Variants in INPP5D observed in about 807,000 individuals in gnomAD.
The protein encoded by INPP5D is inositol polyphosphate-5-phosphatase D, also known as phosphatidylinositol 3,4,5-trisphosphate 5-phosphatase 1.
Under a neutral mutation model 122.9 loss-of-function variants are expected in INPP5D, and 33 were observed. That is an observed-to-expected ratio of 0.27 (90% CI 0.20 to 0.36). INPP5D has a LOEUF of 0.36. INPP5D is among the 10% of genes least tolerant of loss of function. The pLI is 1.00. For synonymous variants in INPP5D, 584 were observed against 576.2 expected, an observed-to-expected ratio of 1.01 and a Z score of -0.19; for missense variants, 1,053 against 1,412.7, an observed-to-expected ratio of 0.75 and a Z score of 4.08.
intron 2 of INPP5D, among the ~76,000 whole-genome samples, chr2:233,085,261 C>A (rs1268630450): frequency 6.6e-6 from 1 of 152,018 alleles, no homozygotes. Flanking sequence ...TGGTGCATGC[C>A]CGTAGTCACA....
rs1358233948 is a variant in INPP5D at position 233,177,864 on chromosome 2, C to T, written c.2071+518C>T. On this transcript the variant is annotated intron_variant, in intron 18 of 26. Coordinates refer to ENST00000445964, the MANE Select transcript of INPP5D (RefSeq NM_001017915.3). The surrounding 1 kb of genome is among the most constrained non-coding windows in gnomAD (Gnocchi z 4.2). ...TGCTGAGATTACAGGCATGAGCCAC[C>T]GCGGCCGACCCGGAGCACTTTTTTA... Among the ~76,000 whole-genome samples the T allele has an allele frequency of 1.3e-5, 2 of 152,294 alleles. No homozygotes were observed. Among genetic ancestry groups the T allele is most frequent in the East Asian group, 1.9e-4 (1 of 5,182 alleles).
intron 1 of INPP5D, among the ~76,000 whole-genome samples, chr2:233,064,698 CAG>C (rs1048376930): frequency 6.6e-6 from 1 of 152,142 alleles, no homozygotes; most frequent in African/African-American, 2.4e-5. Flanking sequence ...AAGCGAGAAA[CAG>C]AGACCATAAG....
chr2:233,110,567 T>C (rs551819301), intron 2 of INPP5D, among the ~76,000 whole-genome samples: 31 of 152,284 alleles, frequency 2.0e-4, no homozygotes, highest in African/African-American at 7.5e-4. Flanking sequence ...CTCGTACCAA[T>C]TACATGAGCT....
chr2:233,130,459 G>A (rs776926394), intron 4 of INPP5D, 49 bp from the exon 5 acceptor site: 4 of 1,595,548 alleles, frequency 2.5e-6, no homozygotes, highest in South Asian at 1.1e-5. Context: ...GGTGATGGTG[G>A]CTAAAAGAAA....
rs1212879898 is a variant in INPP5D, at chr2:233,146,571, G to C, written c.906+133G>C. 6.0e-6 allele frequency: 4 copies of C among 669,642 alleles called. No homozygotes were observed. The East Asian group carries it at 8.2e-5, about 14-fold the overall frequency. The allele number at this position is 669,642 out of a possible 1,614,324, so 41.5% of individuals were successfully genotyped here. A position where few individuals can be genotyped will look rare whatever the true frequency, so the allele number is the denominator to read the frequency against. ...GCAGGGAGCGCATTAGCCAAGAATG[G>C]CAGTCAGTTGACCTTTGTCGCTGTG... is the stretch of plus-strand genomic sequence containing the variant. On this transcript the variant is annotated intron_variant, in intron 8 of 26. Transcript: ENST00000445964.
intron 1 of INPP5D, among the ~76,000 whole-genome samples, chr2:233,062,396 C>G (rs1410356369): frequency 6.6e-6 from 1 of 152,212 alleles, no homozygotes; most frequent in African/African-American, 2.4e-5. Flanking sequence ...TGGAGAAGCT[C>G]TGGTGCAACA....
At chr2:233,187,628 C>T (rs183245180) in intron 21 of INPP5D, among the ~76,000 whole-genome samples, 1 of 152,306 alleles carries the variant, frequency 6.6e-6, no homozygotes, top group African/African-American at 2.4e-5. Context: ...TCCAGATTCC[C>T]CCAGCTGCGG....
intron 2 of INPP5D, among the ~76,000 whole-genome samples, chr2:233,111,651 C>A (rs1692633349): frequency 6.6e-6 from 1 of 152,256 alleles, no homozygotes; most frequent in African/African-American, 2.4e-5. Flanking sequence ...GTGCACCCAT[C>A]TCAGGGGGTA....
intron 9 of INPP5D, among the ~76,000 whole-genome samples, chr2:233,157,099 C>T (rs1694074862): frequency 6.6e-6 from 1 of 152,158 alleles, no homozygotes; most frequent in Non-Finnish European, 1.5e-5. Flanking sequence ...GTGTGAGGGT[C>T]GAATTCTCAG....
chr2:233,080,343 T>C (rs1259661268), intron 2 of INPP5D, among the ~76,000 whole-genome samples: 1 of 152,122 alleles, frequency 6.6e-6, no homozygotes, highest in Admixed American at 6.5e-5. Flanking sequence ...ACTGAGTGTG[T>C]GGAAGCCAGG....
At chr2:233,144,629 GTTATGATCA>G (rs1693707971) in intron 6 of INPP5D, among the ~76,000 whole-genome samples, 1 of 113,292 alleles carries the variant, frequency 8.8e-6, no homozygotes, top group African/African-American at 2.9e-5. Flanking sequence ...GGTGGAGGTG[GTTATGATCA>G]TGGTGGGAGT....
intron 13 of INPP5D, among the ~76,000 whole-genome samples, chr2:233,167,808 C>A (rs766678918): frequency 5.3e-5 from 8 of 152,024 alleles, no homozygotes; most frequent in Non-Finnish European, 1.2e-4. Flanking sequence ...AGTTTGAGAC[C>A]AACCTGGGCA....
intron 17 of INPP5D, among the ~76,000 whole-genome samples, chr2:233,172,892 G>T (rs1181825178): frequency 6.6e-6 from 1 of 152,172 alleles, no homozygotes; most frequent in Non-Finnish European, 1.5e-5. Flanking sequence ...CATTAAAAAG[G>T]TACAGTAAAA....
At chr2:233,110,719 C>T (rs577079600) in intron 2 of INPP5D, among the ~76,000 whole-genome samples, 4 of 152,180 alleles carry the variant, frequency 2.6e-5, no homozygotes, top group South Asian at 4.2e-4. Context: ...GTCAGGAGTT[C>T]GAGACCAGCC....
chr2:233,093,883 C>A (rs1201985989), intron 2 of INPP5D, among the ~76,000 whole-genome samples: 1 of 152,138 alleles, frequency 6.6e-6, no homozygotes, highest in African/African-American at 2.4e-5. Context: ...TCAGGCCACA[C>A]TCCCTTGGCA....
In INPP5D at chr2:233,184,399, C is replaced by T. The variant is rs775353045; in HGVS notation, c.2162-9C>T. ...TGTGGAACTGAATCCGTGTTCTCCC[C>T]TGTTCCAGGTCCCGGGACTGTTGAC... On this transcript the variant is annotated splice_polypyrimidine_tract_variant and intron_variant, in intron 19 of 26. Coordinates refer to ENST00000445964, the MANE Select transcript of INPP5D (RefSeq NM_001017915.3). 6.2e-7 allele frequency: 1 copy of T among 1,613,784 alleles called. No individual in the cohort carries two copies. Among genetic ancestry groups the T allele is most frequent in the South Asian group, 1.1e-5 (1 of 91,046 alleles).
At chr2:233,172,649 T>C (rs1044205036) in intron 17 of INPP5D, among the ~76,000 whole-genome samples, 6 of 152,016 alleles carry the variant, frequency 3.9e-5, no homozygotes, top group South Asian at 2.1e-4. Context: ...CCAGAGAAAA[T>C]ACCCAGAAGG....
chr2:233,074,386 C>T (rs905912387), intron 1 of INPP5D, among the ~76,000 whole-genome samples: 10 of 152,174 alleles, frequency 6.6e-5, no homozygotes, highest in East Asian at 3.8e-4. Flanking sequence ...CAATAATACT[C>T]GGCCAGCCTC....
At chr2:233,140,078 T>G in intron 6 of INPP5D, 149 bp downstream of exon 6, 1 of 387,606 alleles carries the variant, frequency 2.6e-6, no homozygotes, top group Non-Finnish European at 4.6e-6. Flanking sequence ...GGGTTGGGGG[T>G]GGGAGCCTCA....
Sources: gnomAD v4.1 joint callset for allele counts (sites outside exome capture counted in the v4.1 genomes callset) on GRCh38, gnomAD v4.1.1 for gene constraint, Gnocchi (gnomAD v3.1) non-coding constraint, MANE v1.5 for transcripts, NCBI Gene and HGNC (gene_info 2026-07-23, HGNC 2026-07-21) for gene names.